RASSF4: variants seen among roughly 807,000 people sequenced by gnomAD.
RASSF4 encodes the protein ras association domain-containing protein 4.
In RASSF4, 38 loss-of-function variants were observed where a neutral mutation model predicts 41.1. The ratio of observed to expected loss-of-function variants is 0.92; its 90% CI spans 0.71 to 1.21. The LOEUF is 1.21. Ranked by LOEUF, RASSF4 falls within the 50% of genes most tolerant of loss-of-function variation. RASSF4 has a pLI of 0.00. For missense variants in RASSF4, 414 were observed against 419.4 expected, an observed-to-expected ratio of 0.99 and a Z score of 0.11; for synonymous variants, 179 against 163.4, an observed-to-expected ratio of 1.10 and a Z score of -0.73.
Position 44,982,579 on chromosome 10 carries a change from C to T in RASSF4, c.197C>T (p.Pro66Leu), listed in dbSNP as rs1841759713. 4 of 1,612,600 alleles carry T rather than the reference C, an allele frequency of 2.5e-6. No homozygotes were observed. The highest frequency in any genetic ancestry group is 3.4e-6 in the Non-Finnish European group (4 of 1,179,300). ...AACATTGCCTGGGGGCTGAGGCGGC[C>T]CATCCGGCTGCAGATGCAGGATGAC... ...LLNIAWGLRR[P>L]IRLQMQDDRE... The change falls in exon 4 of 11, where the codon CCC becomes CTC. Residue 66 changes from proline to leucine, a missense_variant. Coordinates refer to ENST00000340258, the MANE Select transcript of RASSF4 (RefSeq NM_032023.4).
intron 10 of RASSF4, 41 bp downstream of exon 10, chr10:44,992,043 C>A: frequency 7.5e-7 from 1 of 1,337,644 alleles, no homozygotes. Context: ...TCCTGAACAT[C>A]AGGGCAGGTC....
chr10:44,985,038 C>T, intron 6 of RASSF4, 68 bp downstream of exon 6: 1 of 1,532,562 alleles, frequency 6.5e-7, no homozygotes, highest in Non-Finnish European at 8.9e-7. Context: ...GCACAGCAAG[C>T]ACCATGACCT....
intron 4 of RASSF4, chr10:44,983,180 C>T (rs1841785928): frequency 2.9e-6 from 1 of 350,392 alleles, no homozygotes; most frequent in South Asian, 2.2e-5. Flanking sequence ...TCCTCCTCGG[C>T]CCACTCCCAA....
intron 3 of RASSF4, among the ~76,000 whole-genome samples, chr10:44,975,577 T>C (rs1841387392): frequency 9.4e-6 from 1 of 106,420 alleles, no homozygotes; most frequent in Admixed American, 1.0e-4. Flanking sequence ...TCTACCTCCC[T>C]TTCCACTCTC....
intron 5 of RASSF4, chr10:44,984,481 C>G: frequency 2.0e-6 from 1 of 489,440 alleles, no homozygotes; most frequent in East Asian, 3.4e-5. Flanking sequence ...CCTTTTTATT[C>G]CCCTTCCTTT....
chr10:44,991,244 A>C, intron 9 of RASSF4, 175 bp downstream of exon 9: 1 of 488,666 alleles, frequency 2.0e-6, no homozygotes, highest in Non-Finnish European at 3.5e-6. Flanking sequence ...CTCTCCCATC[A>C]GTGACCGCCA....
At chr10:44,967,091 T>TA (rs377507280) in intron 1 of RASSF4, among the ~76,000 whole-genome samples, 6 of 152,244 alleles carry the variant, frequency 3.9e-5, no homozygotes, top group African/African-American at 1.4e-4. Flanking sequence ...AAATCCCTGA[T>TA]ACACCAGTGG....
intron 3 of RASSF4, among the ~76,000 whole-genome samples, chr10:44,974,740 T>C (rs968565): frequency 0.68 from 102,704 of 152,062 alleles, 34,873 homozygotes; most frequent in Admixed American, 0.76. Flanking sequence ...AGGGCCACGC[T>C]CTGGGGCCAG....
chr10:44,961,463 C>T (rs982306317), intron 1 of RASSF4, among the ~76,000 whole-genome samples: 1 of 152,240 alleles, frequency 6.6e-6, no homozygotes, highest in African/African-American at 2.4e-5. Context: ...TGCCAGAAAG[C>T]CCTCTGCCCT....
At chr10:44,965,842 G>C (rs959181005) in intron 1 of RASSF4, among the ~76,000 whole-genome samples, 1 of 152,144 alleles carries the variant, frequency 6.6e-6, no homozygotes, top group African/African-American at 2.4e-5. Context: ...CTTTCCTCCT[G>C]GTCTGTCTCC....
intron 8 of RASSF4, among the ~76,000 whole-genome samples, chr10:44,990,069 T>C (rs1400674242): frequency 2.0e-5 from 3 of 152,188 alleles, no homozygotes; most frequent in African/African-American, 7.2e-5. Context: ...CTCCGCCTCT[T>C]CCAGAGAAAT....
chr10:44,983,909 C>T, intron 4 of RASSF4, 113 bp from the exon 5 acceptor site: 1 of 1,534,684 alleles, frequency 6.5e-7, no homozygotes, highest in Non-Finnish European at 8.8e-7. Flanking sequence ...TCACCTCAGC[C>T]TGCCTTGCTT....
intron 1 of RASSF4, among the ~76,000 whole-genome samples, chr10:44,969,000 A>G (rs1247720394): frequency 3.4e-5 from 5 of 149,046 alleles, no homozygotes; most frequent in African/African-American, 4.9e-5. Context: ...GTGTTTGTGT[A>G]TGTGTGTGTG....
chr10:44,991,783 G>C (rs900301974), intron 9 of RASSF4, 122 bp from the exon 10 acceptor site: 6 of 653,428 alleles, frequency 9.2e-6, no homozygotes, highest in East Asian at 2.7e-5. Context: ...TGGGAAAAGC[G>C]GCAGCTCCTT....
chr10:44,979,150 T>C lies in RASSF4; in HGVS notation c.139-3371T>C, dbSNP rs150346489. Among the ~76,000 whole-genome samples the C allele has an allele frequency of 5.5e-3, 837 of 152,256 alleles. 6 individuals carry two copies. Among genetic ancestry groups the C allele is most frequent in the African/African-American group, 0.018 (756 of 41,552 alleles). On this transcript the variant is annotated intron_variant, in intron 3 of 10. Transcript: ENST00000340258. The stretch of plus-strand genomic sequence containing the variant: ...CCACCCCATCATGACTCCTGTGAAG[T>C]TGGGCCAGGTCCTTGGCAACTTTGA...
chr10:44,991,396 A>T (rs1205387436), intron 9 of RASSF4: 2 of 240,386 alleles, frequency 8.3e-6, no homozygotes, highest in Non-Finnish European at 1.6e-5. Context: ...AGGCTTTTTA[A>T]CTAGGCCCTA....
chr10:44,959,964 T>G (rs1840641629), intron 1 of RASSF4, 98 bp downstream of exon 1: 1 of 152,224 alleles, frequency 6.6e-6, no homozygotes, highest in Non-Finnish European at 1.5e-5. Flanking sequence ...CCTGGGCACT[T>G]GTGCCCTTCG....
intron 3 of RASSF4, among the ~76,000 whole-genome samples, chr10:44,979,879 TG>T (rs1246967045): frequency 6.6e-6 from 1 of 151,870 alleles, no homozygotes; most frequent in Non-Finnish European, 1.5e-5. Context: ...GGGCTGGGGC[TG>T]GGGGGCTGCC....
chr10:44,972,018 A>G (rs1349184537), intron 3 of RASSF4, among the ~76,000 whole-genome samples, 170 bp downstream of exon 3: 1 of 152,206 alleles, frequency 6.6e-6, no homozygotes, highest in East Asian at 1.9e-4. Flanking sequence ...ACCCTGAGCC[A>G]GGGACCAGGT....
Sources: gnomAD v4.1 joint callset for allele counts (sites outside exome capture counted in the v4.1 genomes callset) on GRCh38, gnomAD v4.1.1 for gene constraint, MANE v1.5 for transcripts, NCBI Gene and HGNC (gene_info 2026-07-23, HGNC 2026-07-21) for gene names.